The following PMFBP1 variants were observed in gnomAD, a reference collection of about 807,000 sequenced individuals.
The protein encoded by PMFBP1 is polyamine-modulated factor 1-binding protein 1.
Under a neutral mutation model 137.8 loss-of-function variants are expected in PMFBP1, and 131 were observed. The ratio of observed to expected loss-of-function variants is 0.95; its 90% CI spans 0.82 to 1.10. PMFBP1 has a LOEUF of 1.10. Ranked by LOEUF, PMFBP1 falls within the 50% of genes least tolerant of loss-of-function variation. The pLI is 0.00. For synonymous variants in PMFBP1, 490 were observed against 450.4 expected (o/e 1.09, Z -1.11); for missense variants, 1,199 against 1,175.4 (o/e 1.02, Z -0.29).
At chr16:72,209,996 G>A in the PMFBP1 span, among the ~76,000 whole-genome samples, 1 of 152,272 alleles carries the variant, frequency 6.6e-6, no homozygotes, top group Non-Finnish European at 1.5e-5. Flanking sequence ...TTCACCCTAT[G>A]GGTAGTAACA....
chr16:72,177,429 T>C (rs183135228), upstream of PMFBP1, among the ~76,000 whole-genome samples: 1 of 152,304 alleles, frequency 6.6e-6, no homozygotes. Flanking sequence ...CACAATGATC[T>C]GCCTTTATTA....
At position 72,119,858 on chromosome 16, in the gene PMFBP1, G is replaced by T. The variant is rs1347792098; in HGVS notation, c.3000C>A (p.His1000Gln). 4 of 1,613,996 alleles carry T rather than the reference G, an allele frequency of 2.5e-6. No homozygotes were observed. Among genetic ancestry groups the T allele is most frequent in the African/African-American group, 1.3e-5 (1 of 75,046 alleles). The change falls in exon 20 of 21, where the codon CAC becomes CAA. Residue 1000 changes from histidine to glutamine, a missense_variant. Coordinates refer to ENST00000237353, the MANE Select transcript of PMFBP1 (RefSeq NM_031293.3). The part of the protein sequence containing the change: ...MDLTKYIGMP[H>Q]CPGSSYC ...GACAAATGGCAGACGTACCCGGGCA[G>T]TGGGGCATCCCGATGTACTTGGTGA...
At chr16:72,123,437 C>T (rs1174693855) in intron 18 of PMFBP1, 109 bp downstream of exon 18, 1 of 889,700 alleles carries the variant, frequency 1.1e-6, no homozygotes, top group Non-Finnish European at 1.8e-6. Flanking sequence ...GAGACTGGAT[C>T]TGTTTTCCAG....
the PMFBP1 span, among the ~76,000 whole-genome samples, chr16:72,229,349 A>G: frequency 1.4e-4 from 21 of 152,280 alleles, no homozygotes; most frequent in Non-Finnish European, 2.4e-4. Flanking sequence ...AGAACAATTT[A>G]TATTCCTTTG....
intron 10 of PMFBP1, 144 bp from the exon 11 acceptor site, chr16:72,130,866 A>C: frequency 1.4e-6 from 1 of 694,066 alleles, no homozygotes; most frequent in Admixed American, 3.2e-5. Flanking sequence ...TTTCATGATC[A>C]GTCCTAAAGA....
the PMFBP1 span, among the ~76,000 whole-genome samples, chr16:72,198,681 C>T: frequency 6.6e-6 from 1 of 152,038 alleles, no homozygotes; most frequent in African/African-American, 2.4e-5. Flanking sequence ...AATATAATTC[C>T]CACCAGCTTT....
chr16:72,184,576 T>A, the PMFBP1 span, among the ~76,000 whole-genome samples: 5 of 152,214 alleles, frequency 3.3e-5, no homozygotes, highest in Admixed American at 6.5e-5. Context: ...AATGAGAAAC[T>A]AAGGCACAGA....
At chr16:72,155,841 C>T (rs774879474) in intron 3 of PMFBP1, among the ~76,000 whole-genome samples, 1 of 152,102 alleles carries the variant, frequency 6.6e-6, no homozygotes. Context: ...TTTCCTCATG[C>T]CCATTTTCAG....
At chr16:72,214,932 T>C in the PMFBP1 span, among the ~76,000 whole-genome samples, 1 of 152,052 alleles carries the variant, frequency 6.6e-6, no homozygotes, top group African/African-American at 2.4e-5. Context: ...AAAGGCCCAA[T>C]ATACATTGAA....
At chr16:72,146,658 T>C (rs2042812042) in intron 5 of PMFBP1, among the ~76,000 whole-genome samples, 1 of 152,184 alleles carries the variant, frequency 6.6e-6, no homozygotes, top group Non-Finnish European at 1.5e-5. Context: ...TTTAAGCTGA[T>C]AAACAACTTC....
At chr16:72,243,858 C>T in the PMFBP1 span, among the ~76,000 whole-genome samples, 2 of 152,164 alleles carry the variant, frequency 1.3e-5, no homozygotes, top group Non-Finnish European at 2.9e-5. Context: ...CACCAGCACT[C>T]GTAACACAGG....
downstream of PMFBP1, among the ~76,000 whole-genome samples, chr16:72,117,412 G>C (rs1055473495): frequency 6.6e-6 from 1 of 152,062 alleles, no homozygotes; most frequent in Non-Finnish European, 1.5e-5. Flanking sequence ...TTTGGGGTGG[G>C]GTGGTCTGTA....
the PMFBP1 span, among the ~76,000 whole-genome samples, chr16:72,239,330 C>G: frequency 6.6e-6 from 1 of 152,144 alleles, no homozygotes; most frequent in Admixed American, 6.5e-5. Context: ...TTTTGTAACC[C>G]TTCCATTGTC....
the PMFBP1 span, among the ~76,000 whole-genome samples, chr16:72,189,237 GGCTACACAGCTCATCAAT>G: frequency 6.6e-6 from 1 of 152,150 alleles, no homozygotes; most frequent in Non-Finnish European, 1.5e-5. Flanking sequence ...ATGTTCCCAA[GGCTACACAGCTCATCAAT>G]GCAGAACCAG....
chr16:72,185,510 A>C, the PMFBP1 span, among the ~76,000 whole-genome samples: 1 of 152,088 alleles, frequency 6.6e-6, no homozygotes, highest in African/African-American at 2.4e-5. Context: ...CTCAGGGTAA[A>C]TATCATTTCC....
chr16:72,228,699 T>C, the PMFBP1 span, among the ~76,000 whole-genome samples: 1 of 152,202 alleles, frequency 6.6e-6, no homozygotes, highest in Non-Finnish European at 1.5e-5. Context: ...TCTCTATTTC[T>C]TTAGGATAGT....
Position 72,150,818 on chromosome 16 carries a change from A to T in PMFBP1, c.426T>A (p.Tyr142Ter), listed in dbSNP as rs2042891853. 6.2e-7 allele frequency: 1 copy of T among 1,613,448 alleles called. No individual in the cohort carries two copies. Among genetic ancestry groups the T allele is most frequent in the East Asian group, 2.2e-5 (1 of 44,882 alleles). The change falls in exon 5 of 21, where the codon TAT becomes TAA. Residue 142 changes from tyrosine (Y) to a stop codon, truncating the protein, a stop_gained. Transcript: ENST00000237353. LOFTEE classifies it high-confidence loss of function. ...CGTTGTGATTTCCCATTTCCTCCTC[A>T]TAGAGAATCACCTGTAGGTGTAGGA... ...CKLKEDEVILYEEEMGNHNEN... is the reference protein window; with the variant it reads ...CKLKEDEVIL
the PMFBP1 span, among the ~76,000 whole-genome samples, chr16:72,246,575 C>G: frequency 8.5e-5 from 13 of 152,110 alleles, no homozygotes; most frequent in South Asian, 2.5e-3. Context: ...CATCACTCCT[C>G]TTTCTCCAGC....
At position 72,125,955 on chromosome 16, in the gene PMFBP1, G is replaced by A; in HGVS notation, c.2253+13C>T. 1 of 1,613,564 alleles carries A rather than the reference G, an allele frequency of 6.2e-7. No homozygotes were observed. The highest frequency in any genetic ancestry group is 1.3e-5 in the African/African-American group (1 of 75,030). On this transcript the variant is annotated intron_variant, in intron 15 of 20. Transcript: ENST00000237353. ...CTGAAAACAGCCCTGGAGACTAGAGGGTGTGGCCTCACCTTCTCGAGGGCT... is the reference window on the plus strand; with the variant it reads ...CTGAAAACAGCCCTGGAGACTAGAGAGTGTGGCCTCACCTTCTCGAGGGCT...
Sources: allele counts gnomAD v4.1 joint callset (sites outside exome capture counted in the v4.1 genomes callset), GRCh38; gene constraint gnomAD v4.1.1; transcripts MANE v1.5; gene names NCBI Gene and HGNC (gene_info 2026-07-23, HGNC 2026-07-21).